The following ADGRL3 variants were observed in gnomAD, a reference collection of about 807,000 sequenced individuals.
ADGRL3 encodes adhesion G protein-coupled receptor L3, also known as calcium-independent alpha-latrotoxin receptor 3.
Under a neutral mutation model 153.5 loss-of-function variants are expected in ADGRL3, and 62 were observed. That is an observed-to-expected ratio of 0.40 (90% confidence interval 0.33 to 0.50). The LOEUF is 0.50. Among genes scored for constraint, ADGRL3 ranks in the 20% least tolerant of loss-of-function variants. The pLI, the probability that ADGRL3 is intolerant of heterozygous loss-of-function variation, is 0.47. For synonymous variants in ADGRL3, 710 were observed against 672.5 expected, an observed-to-expected ratio of 1.06 and a Z score of -0.86; for missense variants, 1,641 against 1,859.4, an observed-to-expected ratio of 0.88 and a Z score of 2.16.
At chr4:61,813,454 ATTTAT>A (rs2097653151) in intron 8 of ADGRL3, among the ~76,000 whole-genome samples, 1 of 152,052 alleles carries the variant, frequency 6.6e-6, no homozygotes. Context: ...GCCACTTAAT[ATTTAT>A]TTAATCTAAC....
chr4:61,505,709 A>G (rs1276257811), intron 3 of ADGRL3, among the ~76,000 whole-genome samples: 3 of 151,984 alleles, frequency 2.0e-5, no homozygotes, highest in African/African-American at 7.2e-5. Flanking sequence ...ATGTTCTGCA[A>G]ATTGCTGAAT....
chr4:61,244,672 C>A (rs746822299), intron 1 of ADGRL3, among the ~76,000 whole-genome samples: 8 of 151,902 alleles, frequency 5.3e-5, no homozygotes, highest in Non-Finnish European at 1.2e-4. Flanking sequence ...CAGATGGAAT[C>A]AGCCCCCATA....
intron 2 of ADGRL3, among the ~76,000 whole-genome samples, chr4:61,417,295 C>T (rs1477942736): frequency 6.6e-6 from 1 of 151,992 alleles, no homozygotes; most frequent in East Asian, 1.9e-4. Flanking sequence ...CAAGACCAGC[C>T]TGGGCAACAT....
intron 21 of ADGRL3, among the ~76,000 whole-genome samples, chr4:62,013,714 C>T (rs565574142): frequency 6.6e-6 from 1 of 151,544 alleles, no homozygotes; most frequent in Non-Finnish European, 1.5e-5. Context: ...GTGGTGAAAC[C>T]CTGTCTCTAC....
intron 2 of ADGRL3, among the ~76,000 whole-genome samples, chr4:61,386,137 A>G (rs1342083360): frequency 1.3e-5 from 2 of 152,180 alleles, no homozygotes; most frequent in South Asian, 4.1e-4. Context: ...ATGAGTCCTC[A>G]CATCTAGAAA....
chr4:62,063,471 T>G (rs544605941), intron 25 of ADGRL3: 29 of 631,650 alleles, frequency 4.6e-5, no homozygotes, highest in Middle Eastern at 5.0e-4. Flanking sequence ...GACCTTTTTT[T>G]TTTTTTCTCT....
At chr4:61,447,595 G>A (rs142784090) in intron 2 of ADGRL3, among the ~76,000 whole-genome samples, 10 of 152,312 alleles carry the variant, frequency 6.6e-5, no homozygotes, top group Admixed American at 2.6e-4. Flanking sequence ...ATTATAATCA[G>A]CATTGTACAT....
At chr4:61,590,015 C>CCCA (rs1397757312) in intron 5 of ADGRL3, among the ~76,000 whole-genome samples, 1 of 152,090 alleles carries the variant, frequency 6.6e-6, no homozygotes, top group Non-Finnish European at 1.5e-5. Context: ...CTGTCCACCA[C>CCCA]CCACCAATCG....
chr4:61,804,093 T>C (rs2097529150), intron 8 of ADGRL3, among the ~76,000 whole-genome samples: 1 of 152,194 alleles, frequency 6.6e-6, no homozygotes, highest in Non-Finnish European at 1.5e-5. Flanking sequence ...TACAATGATA[T>C]ATTTTAAATT....
Position 62,075,664 on chromosome 4 carries a change from G to T in ADGRL3, c.*4756G>T, listed in dbSNP as rs1746908213. 1 of 152,072 alleles carries T rather than the reference G, an allele frequency of 6.6e-6. No individual in the cohort carries two copies. The highest frequency in any genetic ancestry group is 1.5e-5 in the Non-Finnish European group (1 of 68,034). The allele number at this position is 152,072 out of a possible 1,614,324, so 9.4% of individuals were successfully genotyped here. ...AACGTTTTCAATATAGCTTATATTA[G>T]ATTTCTGCACATCATTAAATTACGA... On this transcript the variant is annotated 3_prime_UTR_variant, in exon 27 of 27. Coordinates refer to ENST00000683033, the MANE Select transcript of ADGRL3 (RefSeq NM_001387552.1).
At chr4:62,001,372 G>T (rs1000336039) in intron 21 of ADGRL3, among the ~76,000 whole-genome samples, 1 of 152,090 alleles carries the variant, frequency 6.6e-6, no homozygotes, top group African/African-American at 2.4e-5. Context: ...GTGGAACTGG[G>T]GTAGCTCAGT....
chr4:61,871,046 A>G (rs1284203605), intron 9 of ADGRL3, among the ~76,000 whole-genome samples: 1 of 152,202 alleles, frequency 6.6e-6, no homozygotes, highest in Non-Finnish European at 1.5e-5. Context: ...TGGGAGGCCA[A>G]GGCGGGCGAA....
intron 2 of ADGRL3, among the ~76,000 whole-genome samples, chr4:61,483,420 A>G: frequency 6.6e-6 from 1 of 152,196 alleles, no homozygotes. Context: ...GCATTCATAG[A>G]CATTCTCTTG....
At chr4:61,522,576 C>T (rs1232298148) in intron 4 of ADGRL3, among the ~76,000 whole-genome samples, 1 of 152,036 alleles carries the variant, frequency 6.6e-6, no homozygotes, top group Non-Finnish European at 1.5e-5. Flanking sequence ...GTGGCAAAAC[C>T]TCATTTGTTG....
At chr4:61,282,279 C>A (rs972746738) in intron 1 of ADGRL3, among the ~76,000 whole-genome samples, 1 of 151,850 alleles carries the variant, frequency 6.6e-6, no homozygotes, top group African/African-American at 2.4e-5. Context: ...GAATTTTCAG[C>A]TAAAGAAGAT....
chr4:61,372,527 C>T lies in ADGRL3; in HGVS notation c.-239-10597C>T, dbSNP rs1252392486. ...GTGTGCCCCTGCTCATGGTGCCTAC[C>T]AGTTAGGCTGCTCGGGGGTCAGGGG... is the stretch of plus-strand genomic sequence containing the variant. On this transcript the variant is annotated intron_variant, in intron 1 of 26. Coordinates refer to ENST00000683033, the MANE Select transcript of ADGRL3 (RefSeq NM_001387552.1). 3.3e-5 allele frequency among the ~76,000 whole-genome samples: 5 copies of T among 152,176 alleles called. No homozygotes were observed. The East Asian group carries it at 9.6e-4, about 29-fold the overall frequency.
chr4:61,556,812 C>G (rs2047200), intron 4 of ADGRL3, among the ~76,000 whole-genome samples: 2,307 of 152,190 alleles, frequency 0.015, 52 homozygotes, highest in African/African-American at 0.052. Flanking sequence ...ATGGTGGGTG[C>G]CCACTTTGGA....
At chr4:61,744,695 C>A (rs567606668) in intron 8 of ADGRL3, among the ~76,000 whole-genome samples, 3 of 152,072 alleles carry the variant, frequency 2.0e-5, no homozygotes, top group Non-Finnish European at 4.4e-5. Flanking sequence ...AAAGGACATC[C>A]ACACCAAAAA....
chr4:62,028,023 T>C (rs979441980), intron 21 of ADGRL3, among the ~76,000 whole-genome samples: 3 of 151,824 alleles, frequency 2.0e-5, no homozygotes, highest in Non-Finnish European at 4.4e-5. Flanking sequence ...AGTTGCAGCC[T>C]GTCTAGGAGC....
Sources: allele counts gnomAD v4.1 joint callset (sites outside exome capture counted in the v4.1 genomes callset), GRCh38; gene constraint gnomAD v4.1.1; transcripts MANE v1.5; gene names NCBI Gene and HGNC (gene_info 2026-07-23, HGNC 2026-07-21).